Variants in HGD observed in about 807,000 individuals in gnomAD.
HGD encodes homogentisate oxidase.
In HGD, 61 loss-of-function variants were observed where a neutral mutation model predicts 60.8. The observed-to-expected ratio is 1.00, with a 90% CI of 0.82 to 1.24. The LOEUF is 1.24. HGD is among the 50% of genes most tolerant of loss of function. The probability of loss-of-function intolerance (pLI) is 0.00; values close to 1 mark genes in which losing one functional copy is unlikely to be tolerated. For synonymous variants in HGD, 212 were observed against 187.7 expected (o/e 1.13, Z -1.06); for missense variants, 542 against 547.1 (o/e 0.99, Z 0.09).
chr3:120,669,528 A>G (rs1419930849), intron 4 of HGD, among the ~76,000 whole-genome samples: 1 of 151,918 alleles, frequency 6.6e-6, no homozygotes. Flanking sequence ...GCCTCCTTAC[A>G]TATTTTAAGT....
chr3:120,670,739 C>T (rs555228864), intron 3 of HGD, among the ~76,000 whole-genome samples: 46 of 152,312 alleles, frequency 3.0e-4, no homozygotes, highest in African/African-American at 1.1e-3. Context: ...CTTTTTCATT[C>T]CACCCATCAT....
intron 6 of HGD, among the ~76,000 whole-genome samples, chr3:120,648,980 A>G (rs1288300285): frequency 6.6e-6 from 1 of 152,032 alleles, no homozygotes; most frequent in East Asian, 1.9e-4. Flanking sequence ...AGCGCCTTCA[A>G]CTTTGGGCTT....
At chr3:120,628,955 G>A (rs997955404) in intron 13 of HGD, among the ~76,000 whole-genome samples, 6 of 152,150 alleles carry the variant, frequency 3.9e-5, no homozygotes, top group Non-Finnish European at 8.8e-5. Flanking sequence ...AGGAATTAAG[G>A]CTGAGAGCTG....
Position 120,652,567 on chromosome 3 carries a change from G to A in HGD, c.342+25C>T, listed in dbSNP as rs2551607. 1,383,908 of 1,556,950 alleles carry A rather than the reference G, an allele frequency of 0.89. 618,242 individuals are homozygous for A. Among genetic ancestry groups the A allele is most frequent in the East Asian group, 0.99 (44,058 of 44,524 alleles). On this transcript the variant is annotated intron_variant, in intron 5 of 13. Coordinates refer to ENST00000283871, the MANE Select transcript of HGD (RefSeq NM_000187.4). ...CCACAGAAGAGAGGAGAGCAGTAGGGAGGGTGTGGATGGGACTGACTTACA... is the reference window on the plus strand; with the variant it reads ...CCACAGAAGAGAGGAGAGCAGTAGGAAGGGTGTGGATGGGACTGACTTACA...
chr3:120,639,042 T>C (rs1940882235), intron 11 of HGD, among the ~76,000 whole-genome samples: 1 of 152,176 alleles, frequency 6.6e-6, no homozygotes, highest in Non-Finnish European at 1.5e-5. Flanking sequence ...TCCACCATGA[T>C]TGTGAGGCCT....
At chr3:120,647,765 A>G (rs1259634623) in intron 7 of HGD, 112 bp downstream of exon 7, 2 of 945,240 alleles carry the variant, frequency 2.1e-6, no homozygotes, top group Non-Finnish European at 3.5e-6. Context: ...ATTGCACTAA[A>G]TGAAATAAGA....
chr3:120,648,373 G>A (rs1166792681), intron 6 of HGD, among the ~76,000 whole-genome samples: 3 of 152,202 alleles, frequency 2.0e-5, no homozygotes, highest in Admixed American at 2.0e-4. Context: ...CGGCTCAAGT[G>A]GAGAGAGGGG....
intron 3 of HGD, among the ~76,000 whole-genome samples, chr3:120,673,720 C>G (rs759482829): frequency 1.5e-4 from 23 of 152,174 alleles, no homozygotes; most frequent in Non-Finnish European, 2.5e-4. Flanking sequence ...GAGGCAGAAA[C>G]TCTGCTATGA....
chr3:120,659,861 G>C (rs559051783), intron 4 of HGD, among the ~76,000 whole-genome samples: 3 of 151,458 alleles, frequency 2.0e-5, no homozygotes, highest in African/African-American at 7.3e-5. Context: ...CTTCTGGAGA[G>C]GCTCAGAAAG....
Position 120,647,883 on chromosome 3 carries a change from A to C in HGD, c.463T>G (p.Leu155Val). 1 of 1,612,454 alleles carries C rather than the reference A, an allele frequency of 6.2e-7. No homozygotes were observed. The highest frequency in any genetic ancestry group is 8.5e-7 in the Non-Finnish European group (1 of 1,178,368). ...TGAAGTCTTCAGAACTCACCAATCA[A>C]GAAGTCCCCATCTGAATTGTAAAAG... Reference protein sequence around the residue: ...RCFYNSDGDFLIVPQKGNLLI... With the variant: ...RCFYNSDGDFVIVPQKGNLLI... The change falls in exon 7 of 14, where the codon TTG becomes GTG. Residue 155 changes from leucine to valine, a missense_variant. Physicochemically the swap from Leu to Val is conservative, Grantham distance 32. Around this residue, in one of 2 missense-constraint regions of HGD, gnomAD observed 537 missense variants for 529.1 expected, o/e 1.01. Transcript: ENST00000283871.
chr3:120,640,647 A>G (rs1940940818), intron 11 of HGD, among the ~76,000 whole-genome samples: 1 of 152,244 alleles, frequency 6.6e-6, no homozygotes, highest in African/African-American at 2.4e-5. Context: ...TTCAACTGTC[A>G]TGGGACATGA....
intron 3 of HGD, among the ~76,000 whole-genome samples, chr3:120,673,539 A>G (rs1456161104): frequency 6.6e-6 from 1 of 152,188 alleles, no homozygotes; most frequent in Non-Finnish European, 1.5e-5. Flanking sequence ...TAAATAGTGA[A>G]GGAATTATCC....
In HGD at chr3:120,646,853, T is replaced by C. The variant is rs1418616978; in HGVS notation, c.549+120A>G. 2.1e-5 allele frequency: 18 copies of C among 839,462 alleles called. No individual in the cohort carries two copies. In the East Asian group the frequency reaches 4.4e-4, roughly 21 times the overall value. The allele number at this position is 839,462 out of a possible 1,614,324, so 52.0% of individuals were successfully genotyped here. On this transcript the variant is annotated intron_variant, in intron 8 of 13. Coordinates refer to ENST00000283871, the MANE Select transcript of HGD (RefSeq NM_000187.4). ...ATGGAACCTTCTGCATAACTCAGATTCCCTCCTCGTTGCCCAGACATGACA... is the reference window on the plus strand; with the variant it reads ...ATGGAACCTTCTGCATAACTCAGATCCCCTCCTCGTTGCCCAGACATGACA...
Position 120,644,477 on chromosome 3 carries a change from C to T in HGD, c.650-34G>A, listed in dbSNP as rs770960854. The stretch of plus-strand genomic sequence containing the variant: ...CAGTAACCCAAAAGTCTTTTAGAAA[C>T]TTCCAAAACATAGGAAAGATGCCCA... On this transcript the variant is annotated intron_variant, in intron 9 of 13. Coordinates refer to ENST00000283871, the MANE Select transcript of HGD (RefSeq NM_000187.4). 3 of 1,613,712 alleles carry T rather than the reference C, an allele frequency of 1.9e-6. 1 individual carries two copies. The South Asian group carries it at 3.3e-5, about 18-fold the overall frequency.
At chr3:120,665,428 G>A (rs1707876839) in intron 4 of HGD, among the ~76,000 whole-genome samples, 1 of 152,140 alleles carries the variant, frequency 6.6e-6, no homozygotes, top group Admixed American at 6.5e-5. Flanking sequence ...GCTAATTCAG[G>A]AATTCTAGCT....
At chr3:120,628,942 A>C (rs1314304608) in intron 13 of HGD, among the ~76,000 whole-genome samples, 1 of 152,116 alleles carries the variant, frequency 6.6e-6, no homozygotes, top group Non-Finnish European at 1.5e-5. Context: ...CATTTTGCAG[A>C]GGAGGAATTA....
chr3:120,664,432 T>C (rs1006381151), intron 4 of HGD, among the ~76,000 whole-genome samples: 8 of 146,404 alleles, frequency 5.5e-5, no homozygotes, highest in Non-Finnish European at 1.1e-4. Flanking sequence ...CTTCCTTTTT[T>C]TTTTTTTTTT....
intron 12 of HGD, 128 bp from the exon 13 acceptor site, chr3:120,633,456 T>C (rs1940655562): frequency 9.6e-6 from 15 of 1,569,564 alleles, no homozygotes; most frequent in Non-Finnish European, 1.3e-5. Context: ...ATAGGATTAA[T>C]AAAGAATATG....
Position 120,674,921 on chromosome 3 carries a change from T to C in HGD, c.156A>G (p.Pro52=). 1 of 1,610,454 alleles carries C rather than the reference T, an allele frequency of 6.2e-7. No homozygotes were observed. The highest frequency in any genetic ancestry group is 8.5e-7 in the Non-Finnish European group (1 of 1,176,956). ...TGTACCTTCTCTTATTGGTGCTCCG[T>C]GGACAAGTGAAAGCCGATCCTGAGA... ...EQLSGSAFTC[P]RSTNKRSWLY... is the part of the protein sequence containing the mutation. The change falls in exon 3 of 14, where the codon CCA becomes CCG. Residue 52 remains proline (P), a synonymous_variant. Transcript: ENST00000283871.
Sources: allele counts gnomAD v4.1 joint callset (sites outside exome capture counted in the v4.1 genomes callset), GRCh38; gene constraint gnomAD v4.1.1; regional missense constraint gnomAD v4.1.1; transcripts MANE v1.5; gene names NCBI Gene and HGNC (gene_info 2026-07-23, HGNC 2026-07-21).